The following MAPK8 variants were observed in gnomAD, a reference collection of about 807,000 sequenced individuals.
MAPK8 encodes mitogen-activated protein kinase 8.
MAPK8 carries 13 observed loss-of-function variants against 52.9 expected under a neutral mutation model. The observed-to-expected ratio is 0.25, with a 90% CI of 0.16 to 0.39. The LOEUF (loss-of-function observed/expected upper bound fraction) is 0.39, where lower values mean the gene tolerates loss of function less well. Ranked by LOEUF, MAPK8 falls within the 10% of genes least tolerant of loss-of-function variation. The probability of loss-of-function intolerance (pLI) is 1.00; values close to 1 mark genes in which losing one functional copy is unlikely to be tolerated. For missense variants in MAPK8, 300 were observed against 519.2 expected (o/e 0.58, Z 4.10); for synonymous variants, 191 against 169.8 (o/e 1.12, Z -0.97).
chr10:48,404,566 T>A (rs994039832), intron 2 of MAPK8, among the ~76,000 whole-genome samples: 3 of 152,214 alleles, frequency 2.0e-5, no homozygotes, highest in Non-Finnish European at 4.4e-5. Flanking sequence ...GTACATTGAG[T>A]GCCCACGATG....
In MAPK8 at chr10:48,401,756, AG is replaced by A. The variant is rs1177644294; in HGVS notation, c.98del (p.Gly33AlafsTer7). ...LKRYQNLKPI[G>X]SGAQGIVCAA... ...AACGATATCAGAATTTAAAACCTAT[AG>A]GCTCAGGAGCTCAAGGAATAGTATG... is the stretch of plus-strand genomic sequence containing the variant. On this transcript the variant is annotated frameshift_variant, in exon 2 of 12. Transcript: ENST00000374189. LOFTEE classifies it high-confidence loss of function. 3 of 1,544,582 alleles carry A rather than the reference AG, an allele frequency of 1.9e-6. No homozygotes were observed. Among genetic ancestry groups the A allele is most frequent in the Non-Finnish European group, 2.6e-6 (3 of 1,152,154 alleles).
intron 5 of MAPK8, among the ~76,000 whole-genome samples, chr10:48,414,785 T>C (rs1416891674): frequency 6.6e-6 from 1 of 152,000 alleles, no homozygotes; most frequent in Non-Finnish European, 1.5e-5. Context: ...TCTTGCCATA[T>C]TGCCCAGGCT....
intron 1 of MAPK8, among the ~76,000 whole-genome samples, chr10:48,346,222 A>T (rs1477430712): frequency 1.4e-4 from 22 of 152,236 alleles, no homozygotes; most frequent in Admixed American, 1.4e-3. Context: ...CCAGATATAG[A>T]TCTTAGATAT....
intron 1 of MAPK8, among the ~76,000 whole-genome samples, chr10:48,375,507 A>AG (rs1251652908): frequency 7.0e-3 from 1 of 142 alleles, no homozygotes; most frequent in Non-Finnish European, 0.012. Context: ...GTCTCAGCCC[A>AG]AATCTTAAGC....
chr10:48,363,569 T>G (rs1413258075), intron 1 of MAPK8, among the ~76,000 whole-genome samples: 2 of 152,244 alleles, frequency 1.3e-5, no homozygotes, highest in Non-Finnish European at 2.9e-5. Flanking sequence ...CCTCGATATC[T>G]ACTTGTTAGT....
chr10:48,361,850 G>A (rs1221110808), intron 1 of MAPK8, among the ~76,000 whole-genome samples: 1 of 152,114 alleles, frequency 6.6e-6, no homozygotes, highest in Non-Finnish European at 1.5e-5. Flanking sequence ...CAGTAAGTAT[G>A]TTTTCTACTT....
At chr10:48,316,827 C>T (rs1236763374) in intron 1 of MAPK8, among the ~76,000 whole-genome samples, 2 of 152,142 alleles carry the variant, frequency 1.3e-5, no homozygotes, top group African/African-American at 4.8e-5. Flanking sequence ...CCCCTGCTCC[C>T]ACCAAAAAGC....
At chr10:48,394,643 G>A (rs1454820972) in intron 1 of MAPK8, among the ~76,000 whole-genome samples, 1 of 151,906 alleles carries the variant, frequency 6.6e-6, no homozygotes, top group Non-Finnish European at 1.5e-5. Context: ...ATCATGCTTA[G>A]TGATGAAAGA....
intron 1 of MAPK8, among the ~76,000 whole-genome samples, chr10:48,388,593 C>T (rs2041448986): frequency 6.6e-6 from 1 of 152,204 alleles, no homozygotes; most frequent in African/African-American, 2.4e-5. Context: ...TTTTTCTTTT[C>T]TAGCATGTTC....
At chr10:48,432,497 C>T (rs954523608) in intron 11 of MAPK8, among the ~76,000 whole-genome samples, 10 of 152,050 alleles carry the variant, frequency 6.6e-5, no homozygotes, top group African/African-American at 2.4e-4. Flanking sequence ...CTTTTCTCTA[C>T]AATTTACTTA....
chr10:48,434,969 G>A lies in MAPK8; in HGVS notation c.1224G>A (p.Leu408=). The A allele has an allele frequency of 6.2e-7, 1 of 1,613,120 alleles. No individual in the cohort carries two copies. The highest frequency in any genetic ancestry group is 8.5e-7 in the Non-Finnish European group (1 of 1,179,690). ...CTTCAATGTCAACAGATCCGACTTT[G>A]GCCTCTGATACAGACAGCAGTCTAG... The part of the protein sequence containing the change: ...DVSSMSTDPT[L]ASDTDSSLEA... The change falls in exon 12 of 12, where the codon TTG becomes TTA. Residue 408 remains leucine, a synonymous_variant. Transcript: ENST00000374189.
intron 5 of MAPK8, among the ~76,000 whole-genome samples, chr10:48,417,737 A>G (rs7893756): frequency 0.97 from 148,052 of 152,286 alleles, 72,125 homozygotes; most frequent in East Asian, 1. Context: ...GTCTGGGGTG[A>G]GCAGGAATAT....
chr10:48,435,059 T>TTTG lies in MAPK8; in HGVS notation c.*30_*31insTTG. ...TTGGGCCATCGGGGGGTGGGAGGGA[T>TTTG]GGGGAGTCGGTTAGTCATTGATAGA... On this transcript the variant is annotated 3_prime_UTR_variant, in exon 12 of 12. Coordinates refer to ENST00000374189, the MANE Select transcript of MAPK8 (RefSeq NM_001323329.2). 4.5e-5 allele frequency: 20 copies of TTTG among 447,990 alleles called. No individual in the cohort carries two copies. Among genetic ancestry groups the TTTG allele is most frequent in the Non-Finnish European group, 7.8e-5 (18 of 230,976 alleles). 27.8% of individuals were successfully genotyped at this position (447,990 alleles called of 1,614,324 possible).
At chr10:48,378,919 C>T (rs988656569) in intron 1 of MAPK8, among the ~76,000 whole-genome samples, 4 of 152,162 alleles carry the variant, frequency 2.6e-5, no homozygotes, top group Non-Finnish European at 5.9e-5. Flanking sequence ...CAAGCCACTA[C>T]ACCCATCCAG....
intron 1 of MAPK8, among the ~76,000 whole-genome samples, chr10:48,342,894 TA>T (rs1218317270): frequency 1.3e-5 from 2 of 152,080 alleles, no homozygotes; most frequent in East Asian, 3.9e-4. Flanking sequence ...TATATTGAGG[TA>T]GTAATTGCTG....
intron 5 of MAPK8, among the ~76,000 whole-genome samples, chr10:48,419,826 T>A (rs867483648): frequency 6.6e-6 from 1 of 152,212 alleles, no homozygotes; most frequent in Non-Finnish European, 1.5e-5. Context: ...ACTTATGACT[T>A]TCTTTTACTA....
intron 1 of MAPK8, among the ~76,000 whole-genome samples, chr10:48,399,007 G>T (rs1048500524): frequency 6.6e-6 from 1 of 152,158 alleles, no homozygotes; most frequent in South Asian, 2.1e-4. Flanking sequence ...CTTTGCATTC[G>T]ATTTGTTTTT....
intron 1 of MAPK8, among the ~76,000 whole-genome samples, chr10:48,308,825 A>G (rs776774608): frequency 3.9e-5 from 6 of 152,232 alleles, no homozygotes; most frequent in African/African-American, 9.6e-5. Context: ...TATTAACACA[A>G]TTGGTACAAA....
chr10:48,361,226 C>T (rs181981172), intron 1 of MAPK8, among the ~76,000 whole-genome samples: 3 of 152,292 alleles, frequency 2.0e-5, no homozygotes, highest in Admixed American at 2.0e-4. Context: ...TACCCCTGAT[C>T]ACATTAATAG....
Sources: gnomAD v4.1 joint callset for allele counts (sites outside exome capture counted in the v4.1 genomes callset) on GRCh38, gnomAD v4.1.1 for gene constraint, MANE v1.5 for transcripts, NCBI Gene and HGNC (gene_info 2026-07-23, HGNC 2026-07-21) for gene names.